NXPH1: variants seen among roughly 807,000 people sequenced by gnomAD.
The protein encoded by NXPH1 is neurexophilin-1.
In NXPH1, 5 loss-of-function variants were observed where a neutral mutation model predicts 23.7. The observed-to-expected ratio is 0.21, with a 90% confidence interval of 0.11 to 0.44. The LOEUF (loss-of-function observed/expected upper bound fraction) is 0.44. Ranked by LOEUF, NXPH1 falls within the 20% of genes least tolerant of loss-of-function variation. The pLI is 0.99. For synonymous variants in NXPH1, 144 were observed against 122.2 expected, an observed-to-expected ratio of 1.18 and a Z score of -1.18; for missense variants, 324 against 321.6, an observed-to-expected ratio of 1.01 and a Z score of -0.06.
At chr7:8,733,210 A>T (rs1318309343) in intron 2 of NXPH1, among the ~76,000 whole-genome samples, 1 of 152,144 alleles carries the variant, frequency 6.6e-6, no homozygotes, top group Non-Finnish European at 1.5e-5. Context: ...ACATGAACTC[A>T]TCCTTTTTTA....
At chr7:8,669,521 G>A (rs111417277) in intron 2 of NXPH1, among the ~76,000 whole-genome samples, 684 of 152,276 alleles carry the variant, frequency 4.5e-3, no homozygotes, top group Non-Finnish European at 7.1e-3. Context: ...CAGTCTGAGG[G>A]TATTAGCCTG....
chr7:8,732,714 A>C (rs1684292605), intron 2 of NXPH1, among the ~76,000 whole-genome samples: 1 of 152,156 alleles, frequency 6.6e-6, no homozygotes, highest in African/African-American at 2.4e-5. Flanking sequence ...CTTTTAAAAA[A>C]ATGTAATATA....
At chr7:8,696,883 C>T (rs994117436) in intron 2 of NXPH1, among the ~76,000 whole-genome samples, 4 of 148,368 alleles carry the variant, frequency 2.7e-5, no homozygotes, top group Non-Finnish European at 5.9e-5. Flanking sequence ...GTAGCTCATG[C>T]CTATTATCCC....
chr7:8,506,098 G>C (rs534465337), intron 2 of NXPH1, among the ~76,000 whole-genome samples: 47 of 151,554 alleles, frequency 3.1e-4, no homozygotes, highest in Non-Finnish European at 6.0e-4. Flanking sequence ...GGAACTTAGA[G>C]AGATTTTTAA....
At chr7:8,618,039 TA>T (rs555959700) in intron 2 of NXPH1, among the ~76,000 whole-genome samples, 5 of 152,054 alleles carry the variant, frequency 3.3e-5, no homozygotes, top group Non-Finnish European at 5.9e-5. Context: ...AAAAGTAAAT[TA>T]AAAAAACTTC....
chr7:8,556,258 A>G (rs1323855461), intron 2 of NXPH1, among the ~76,000 whole-genome samples: 1 of 151,694 alleles, frequency 6.6e-6, no homozygotes, highest in Non-Finnish European at 1.5e-5. Flanking sequence ...CTAACAAACT[A>G]TCCCCAAATT....
At chr7:8,597,769 T>C (rs1264176430) in intron 2 of NXPH1, among the ~76,000 whole-genome samples, 5 of 151,910 alleles carry the variant, frequency 3.3e-5, no homozygotes, top group Non-Finnish European at 7.4e-5. Flanking sequence ...CAACATGCCT[T>C]ACTACTCTGA....
chr7:8,659,113 G>GT (rs2115160007), intron 2 of NXPH1, among the ~76,000 whole-genome samples: 2 of 47,724 alleles, frequency 4.2e-5, no homozygotes, highest in Admixed American at 5.1e-4. Context: ...TGTGGTTATA[G>GT]TTTTCAGTCC....
chr7:8,640,249 T>C (rs1181350844), intron 2 of NXPH1, among the ~76,000 whole-genome samples: 1 of 152,088 alleles, frequency 6.6e-6, no homozygotes, highest in Non-Finnish European at 1.5e-5. Context: ...TTTAAATGCT[T>C]CTAAAGTTTT....
At chr7:8,469,763 T>G (rs1816843946) in intron 2 of NXPH1, among the ~76,000 whole-genome samples, 1 of 152,148 alleles carries the variant, frequency 6.6e-6, no homozygotes, top group Non-Finnish European at 1.5e-5. Flanking sequence ...GTCTTCCATA[T>G]GTATGATAAC....
intron 2 of NXPH1, among the ~76,000 whole-genome samples, chr7:8,581,713 C>G (rs1442347582): frequency 2.0e-5 from 3 of 152,066 alleles, no homozygotes; most frequent in African/African-American, 7.3e-5. Context: ...CTTTTATAGT[C>G]CAGTGTGATA....
At chr7:8,499,238 AGTTT>A (rs753580169) in intron 2 of NXPH1, among the ~76,000 whole-genome samples, 30 of 152,212 alleles carry the variant, frequency 2.0e-4, no homozygotes, top group Non-Finnish European at 3.1e-4. Context: ...AAAAAAGAAC[AGTTT>A]GTTTGAGCAT....
intron 2 of NXPH1, among the ~76,000 whole-genome samples, chr7:8,593,577 G>A (rs1819150930): frequency 6.6e-6 from 1 of 151,960 alleles, no homozygotes; most frequent in Non-Finnish European, 1.5e-5. Context: ...TCAATTAAAG[G>A]TGAATGTAAG....
chr7:8,497,431 T>C (rs944863159), intron 2 of NXPH1, among the ~76,000 whole-genome samples: 22 of 152,262 alleles, frequency 1.4e-4, no homozygotes, highest in African/African-American at 2.6e-4. Flanking sequence ...CTTGAGGAAT[T>C]GCCACACTGT....
chr7:8,592,474 T>C (rs980947127), intron 2 of NXPH1, among the ~76,000 whole-genome samples: 1 of 152,052 alleles, frequency 6.6e-6, no homozygotes, highest in Non-Finnish European at 1.5e-5. Flanking sequence ...TTGTTTACTT[T>C]TGAAGTTGTA....
At chr7:8,547,526 T>C (rs1158572458) in intron 2 of NXPH1, among the ~76,000 whole-genome samples, 1 of 151,430 alleles carries the variant, frequency 6.6e-6, no homozygotes, top group Non-Finnish European at 1.5e-5. Flanking sequence ...GTGGTACAGG[T>C]ACAGGTTTGT....
chr7:8,738,947 A>T (rs540869005), intron 2 of NXPH1, among the ~76,000 whole-genome samples: 1 of 151,984 alleles, frequency 6.6e-6, no homozygotes, highest in African/African-American at 2.4e-5. Flanking sequence ...CGCCTACTCA[A>T]GCCTCAATAA....
In NXPH1 at chr7:8,751,568, C is replaced by A; in HGVS notation, c.615C>A (p.Thr205=). The stretch of plus-strand genomic sequence containing the variant: ...AATATGAAAAGGTTGACAAGGCTAC[C>A]AAGAACACACTCTGCAACTATGACC... The part of the protein sequence containing the change: ...RIEYEKVDKA[T]KNTLCNYDPS... The change falls in exon 3 of 3, where the codon ACC becomes ACA. Residue 205 remains threonine (T), a synonymous_variant. Transcript: ENST00000405863. The surrounding 1 kb of genome is among the most constrained non-coding windows in gnomAD (Gnocchi z 4.5). 6.2e-7 allele frequency: 1 copy of A among 1,613,340 alleles called. No individual in the cohort carries two copies. The highest frequency in any genetic ancestry group is 2.2e-5 in the East Asian group (1 of 44,864).
At chr7:8,519,360 T>G (rs1164397803) in intron 2 of NXPH1, among the ~76,000 whole-genome samples, 1 of 152,218 alleles carries the variant, frequency 6.6e-6, no homozygotes, top group Non-Finnish European at 1.5e-5. Context: ...TAATATATAT[T>G]CTGCAATTCA....
Sources: allele counts gnomAD v4.1 joint callset (sites outside exome capture counted in the v4.1 genomes callset), GRCh38; gene constraint gnomAD v4.1.1; non-coding constraint Gnocchi (gnomAD v3.1); transcripts MANE v1.5; gene names NCBI Gene and HGNC (gene_info 2026-07-23, HGNC 2026-07-21).